The following DHRS12 variants were observed in gnomAD, a reference collection of about 807,000 sequenced individuals.
DHRS12 encodes dehydrogenase/reductase SDR family member 12.
Under a neutral mutation model 32.1 loss-of-function variants are expected in DHRS12, and 29 were observed. The ratio of observed to expected loss-of-function variants is 0.90; its 90% CI spans 0.67 to 1.23. The LOEUF (loss-of-function observed/expected upper bound fraction) is 1.23. Among genes scored for constraint, DHRS12 ranks in the 50% most tolerant of loss-of-function variants. The pLI, the probability that DHRS12 is intolerant of heterozygous loss-of-function variation, is 0.00. For missense variants in DHRS12, 330 were observed against 337.2 expected (o/e 0.98, Z 0.17); for synonymous variants, 150 against 135.9 (o/e 1.10, Z -0.72).
chr13:51,785,875 G>GTT (rs1954931835), intron 4 of DHRS12, among the ~76,000 whole-genome samples: 2 of 152,338 alleles, frequency 1.3e-5, no homozygotes, highest in African/African-American at 4.8e-5. Context: ...TCACAGACTG[G>GTT]TTTTAGACTA....
At chr13:51,791,323 T>C (rs1422107102) in intron 2 of DHRS12, 66 bp from the exon 3 acceptor site, 2 of 962,520 alleles carry the variant, frequency 2.1e-6, no homozygotes, top group Admixed American at 3.1e-5. Flanking sequence ...CTTTTAATTT[T>C]AAAAAAGTAT....
intron 4 of DHRS12, among the ~76,000 whole-genome samples, chr13:51,779,360 T>C (rs536001848): frequency 6.6e-6 from 1 of 152,286 alleles, no homozygotes; most frequent in East Asian, 1.9e-4. Context: ...CACATCCTGT[T>C]TATAACAACA....
downstream of DHRS12, chr13:51,767,045 T>C (rs9526795): frequency 0.27 from 41,180 of 152,234 alleles, 5,695 homozygotes; most frequent in South Asian, 0.36. Flanking sequence ...CAGCTTTTTC[T>C]TGTGCTTAGT....
downstream of DHRS12, chr13:51,764,967 G>C (rs1363333182): frequency 6.6e-6 from 1 of 152,242 alleles, no homozygotes; most frequent in African/African-American, 2.4e-5. Context: ...CCGAGTGTTT[G>C]GGTGCAGACA....
chr13:51,771,054 C>T (rs1953986036), intron 7 of DHRS12: 1 of 1,434,122 alleles, frequency 7.0e-7, no homozygotes, highest in Non-Finnish European at 9.1e-7. Flanking sequence ...CATGGCCAGG[C>T]CCGGCTGGGA....
chr13:51,797,460 C>T (rs756188752), intron 2 of DHRS12, among the ~76,000 whole-genome samples: 9 of 152,126 alleles, frequency 5.9e-5, no homozygotes, highest in Non-Finnish European at 1.2e-4. Context: ...TAGAGCACAT[C>T]GGGTCAATGC....
chr13:51,775,902 CCTA>C (rs1439953859), intron 5 of DHRS12: 2 of 146,936 alleles, frequency 1.4e-5, no homozygotes, highest in African/African-American at 5.2e-5. Context: ...ACAGTATTCT[CCTA>C]CATGTATTCT....
chr13:51,777,356 AC>A, intron 4 of DHRS12: 1 of 532,182 alleles, frequency 1.9e-6, no homozygotes, highest in Non-Finnish European at 3.4e-6. Context: ...TGTCCACACT[AC>A]AGGAATACAG....
At chr13:51,771,175 C>T (rs988214197) in intron 7 of DHRS12, 16 of 1,544,258 alleles carry the variant, frequency 1.0e-5, no homozygotes, top group Admixed American at 5.9e-5. Context: ...CCGCAGACAG[C>T]GCTGAGACCA....
downstream of DHRS12, chr13:51,766,731 C>T (rs970873136): frequency 1.3e-5 from 2 of 152,270 alleles, no homozygotes; most frequent in Admixed American, 1.3e-4. Context: ...TAGCCATTAC[C>T]AATGTACAAC....
rs967543170 is a variant in DHRS12, at chr13:51,768,842, G to A, written c.697+314C>T. Reference sequence around the variant, plus strand: ...GTTACTCCCTTTGCAGTGCAGCTTTGAATAGCGCCCCTCCTGGGCCTCAGC... The same window carrying A: ...GTTACTCCCTTTGCAGTGCAGCTTTAAATAGCGCCCCTCCTGGGCCTCAGC... On this transcript the variant is annotated intron_variant, in intron 8 of 8. Transcript: ENST00000444610. The A allele has an allele frequency of 5.3e-6, 7 of 1,331,004 alleles. No individual in the cohort carries two copies. The East Asian group carries it at 2.3e-4, about 44-fold the overall frequency. 82.4% of individuals were successfully genotyped at this position (1,331,004 alleles called of 1,614,324 possible). A position where few individuals can be genotyped will look rare whatever the true frequency, so the allele number is the denominator to read the frequency against.
rs371519781 is a variant in DHRS12 at position 51,799,574 on chromosome 13, G to T, written c.86C>A (p.Ala29Glu). Residue 29 changes from alanine to glutamate, a missense_variant, in exon 2 of 9, where the codon GCG (alanine) becomes GAG (glutamate). By Grantham distance (107) the Ala-to-Glu change is moderately radical. Transcript: ENST00000444610. ...CAAGGGCAGTTGCTTTGCCAATGCC[G>T]CTGTTTCCTCCAGTGACCAAAAAGA... is the stretch of plus-strand genomic sequence containing the variant. Reference protein sequence around the residue: ...EESFWSLEETAALAKQLPLKS... With the variant: ...EESFWSLEETEALAKQLPLKS... 2 of 1,614,068 alleles carry T rather than the reference G, an allele frequency of 1.2e-6. No homozygotes were observed. The highest frequency in any genetic ancestry group is 8.5e-7 in the Non-Finnish European group (1 of 1,180,006).
intron 4 of DHRS12, among the ~76,000 whole-genome samples, chr13:51,779,153 C>G (rs571289563): frequency 6.6e-6 from 1 of 152,102 alleles, no homozygotes; most frequent in African/African-American, 2.4e-5. Context: ...GTGAACATGG[C>G]GCCAGTTGCT....
At chr13:51,798,558 C>T (rs1244743318) in intron 2 of DHRS12, among the ~76,000 whole-genome samples, 3 of 152,200 alleles carry the variant, frequency 2.0e-5, no homozygotes, top group Non-Finnish European at 4.4e-5. Context: ...TCATGGGAGG[C>T]TACAGGCTAA....
intron 7 of DHRS12, among the ~76,000 whole-genome samples, chr13:51,769,500 G>C (rs1222099704): frequency 6.6e-6 from 1 of 152,148 alleles, no homozygotes; most frequent in Admixed American, 6.5e-5. Flanking sequence ...GATGGAAAGT[G>C]GTGCTCACCA....
intron 1 of DHRS12, chr13:51,803,437 T>G (rs1955846835): frequency 6.6e-6 from 1 of 152,130 alleles, no homozygotes; most frequent in African/African-American, 2.4e-5. Flanking sequence ...AAAACCTCCA[T>G]CTCTCCTCCG....
intron 5 of DHRS12, 101 bp downstream of exon 5, chr13:51,776,959 A>C: frequency 7.5e-7 from 1 of 1,334,072 alleles, no homozygotes; most frequent in Non-Finnish European, 1.1e-6. Context: ...ATGTGGACAG[A>C]ATGGCCCCCT....
At chr13:51,767,982 T>A, downstream of DHRS12, 1 of 1,376,742 alleles carries the variant, frequency 7.3e-7, no homozygotes, top group Non-Finnish European at 9.4e-7. Flanking sequence ...GAAAAGAACC[T>A]GCTGCAGGAG....
At chr13:51,803,378 T>C (rs1478064873) in intron 1 of DHRS12, among the ~76,000 whole-genome samples, 1 of 152,236 alleles carries the variant, frequency 6.6e-6, no homozygotes, top group Non-Finnish European at 1.5e-5. Context: ...GTGATTCTGA[T>C]GTGCAGACAG....
Sources: allele counts gnomAD v4.1 joint callset (sites outside exome capture counted in the v4.1 genomes callset), GRCh38; gene constraint gnomAD v4.1.1; transcripts MANE v1.5; gene names NCBI Gene and HGNC (gene_info 2026-07-23, HGNC 2026-07-21).